IL1RAPL1: variants seen among roughly 807,000 people sequenced by gnomAD.
IL1RAPL1 encodes the protein interleukin 1 receptor accessory protein like 1, also known as interleukin-1 receptor accessory protein-like 1.
Under a neutral mutation model 48.4 loss-of-function variants are expected in IL1RAPL1, and 3 were observed. The ratio of observed to expected loss-of-function variants is 0.06; its 90% CI spans 0.03 to 0.16. The LOEUF (loss-of-function observed/expected upper bound fraction) is 0.16. IL1RAPL1 is among the 10% of genes least tolerant of loss of function. The pLI, the probability that IL1RAPL1 is intolerant of heterozygous loss-of-function variation, is 1.00. For synonymous variants in IL1RAPL1, 185 were observed against 187.7 expected (o/e 0.99, Z 0.12); for missense variants, 349 against 530.6 (o/e 0.66, Z 3.36).
intron 1 of IL1RAPL1, among the ~76,000 whole-genome samples, chrX:28,653,519 AC>A (rs1934712116): frequency 9.0e-6 from 1 of 110,539 alleles, no homozygotes; most frequent in Non-Finnish European, 1.9e-5. Flanking sequence ...CTTTGCAAAC[AC>A]CATTTTTACC....
At chrX:28,841,403 A>G (rs768883547) in intron 2 of IL1RAPL1, among the ~76,000 whole-genome samples, 4 of 111,461 alleles carry the variant, frequency 3.6e-5, no homozygotes, top group Non-Finnish European at 7.6e-5. Flanking sequence ...TAGAGATAAT[A>G]GCAAAAGCTT....
intron 5 of IL1RAPL1, among the ~76,000 whole-genome samples, chrX:29,539,541 A>T: frequency 9.0e-6 from 1 of 111,075 alleles, no homozygotes. Context: ...TGTAATTCCC[A>T]ATATTGGGGG....
At chrX:29,866,054 C>T (rs1931689622) in intron 6 of IL1RAPL1, among the ~76,000 whole-genome samples, 2 of 111,014 alleles carry the variant, frequency 1.8e-5, no homozygotes. Flanking sequence ...CCATTTTTAG[C>T]CAGAATTAAT....
chrX:29,649,908 A>T (rs933406673), intron 5 of IL1RAPL1, among the ~76,000 whole-genome samples: 14 of 112,031 alleles, frequency 1.2e-4, no homozygotes, highest in African/African-American at 4.2e-4. Context: ...AAGTTCAGTA[A>T]AGTGGCAAGA....
intron 6 of IL1RAPL1, among the ~76,000 whole-genome samples, chrX:29,773,676 G>C (rs1270972418): frequency 9.0e-6 from 1 of 111,441 alleles, no homozygotes; most frequent in African/African-American, 3.3e-5. Context: ...TTCTGTCTGA[G>C]CTAATCTTCA....
chrX:28,823,843 C>T, intron 2 of IL1RAPL1, among the ~76,000 whole-genome samples: 2 of 111,247 alleles, frequency 1.8e-5, no homozygotes, highest in Middle Eastern at 9.3e-3. Context: ...GAATAATCTT[C>T]CCATCTCAAG....
intron 6 of IL1RAPL1, among the ~76,000 whole-genome samples, chrX:29,879,357 A>ACGTG (rs1555929710): frequency 4.8e-5 from 4 of 83,981 alleles, no homozygotes; most frequent in Non-Finnish European, 7.1e-5. Context: ...AGTTTTATAT[A>ACGTG]TGTGTGTGTG....
At chrX:28,733,942 A>G (rs1935787295) in intron 1 of IL1RAPL1, among the ~76,000 whole-genome samples, 1 of 111,321 alleles carries the variant, frequency 9.0e-6, no homozygotes, top group African/African-American at 3.3e-5. Flanking sequence ...TTCCACAAAC[A>G]CCCATTCCCA....
At chrX:28,858,271 A>C (rs1180988107) in intron 2 of IL1RAPL1, among the ~76,000 whole-genome samples, 1 of 112,662 alleles carries the variant, frequency 8.9e-6, no homozygotes, top group Non-Finnish European at 1.9e-5. Context: ...ACAACAAAAG[A>C]TTCAGACTAT....
intron 5 of IL1RAPL1, among the ~76,000 whole-genome samples, chrX:29,525,979 A>G (rs749917922): frequency 8.9e-6 from 1 of 111,760 alleles, no homozygotes; most frequent in South Asian, 3.7e-4. Flanking sequence ...CAGAGATGGG[A>G]GTTCAGAGTG....
intron 6 of IL1RAPL1, among the ~76,000 whole-genome samples, chrX:29,680,811 A>G (rs967879884): frequency 3.6e-5 from 4 of 111,403 alleles, no homozygotes; most frequent in Non-Finnish European, 7.5e-5. Context: ...TCTTCTCCCA[A>G]CTAATACTGA....
intron 2 of IL1RAPL1, among the ~76,000 whole-genome samples, chrX:29,081,837 T>C (rs1025093622): frequency 9.1e-6 from 1 of 110,221 alleles, no homozygotes; most frequent in African/African-American, 3.3e-5. Context: ...ATTATTGCCA[T>C]GTGAGTAGTG....
chrX:29,371,133 T>TTC (rs1933539197), intron 3 of IL1RAPL1, among the ~76,000 whole-genome samples: 1 of 92,963 alleles, frequency 1.1e-5, no homozygotes, highest in East Asian at 3.2e-4. Flanking sequence ...GTACTTTTTT[T>TTC]TTTTTTTTTT....
At chrX:29,609,765 T>C (rs1387998960) in intron 5 of IL1RAPL1, among the ~76,000 whole-genome samples, 1 of 112,177 alleles carries the variant, frequency 8.9e-6, no homozygotes, top group Non-Finnish European at 1.9e-5. Context: ...TCTCGGATTA[T>C]GTATCTCCTT....
intron 2 of IL1RAPL1, among the ~76,000 whole-genome samples, chrX:29,038,375 T>C (rs963986863): frequency 8.9e-6 from 1 of 112,179 alleles, no homozygotes; most frequent in Non-Finnish European, 1.9e-5. Flanking sequence ...ATATTTATCA[T>C]ATATAAAGAA....
intron 5 of IL1RAPL1, among the ~76,000 whole-genome samples, chrX:29,419,256 G>A (rs946663914): frequency 1.8e-5 from 2 of 111,406 alleles, no homozygotes; most frequent in African/African-American, 6.5e-5. Context: ...TTACATATAC[G>A]TAATGACATA....
intron 6 of IL1RAPL1, among the ~76,000 whole-genome samples, chrX:29,844,607 A>C (rs919416412): frequency 8.9e-6 from 1 of 112,308 alleles, no homozygotes; most frequent in South Asian, 3.7e-4. Context: ...AAATAAAAAC[A>C]ATGCAATATA....
intron 5 of IL1RAPL1, among the ~76,000 whole-genome samples, chrX:29,443,243 T>TCTCTCTCTCTCC (rs1350294761): frequency 9.2e-6 from 1 of 109,025 alleles, no homozygotes; most frequent in East Asian, 2.9e-4. Flanking sequence ...TCTCTCTCTC[T>TCTCTCTCTCTCC]CTCTCTCTCT....
At chrX:29,418,240 T>C (rs1342662813) in intron 5 of IL1RAPL1, among the ~76,000 whole-genome samples, 1 of 102,467 alleles carries the variant, frequency 9.8e-6, no homozygotes, top group Non-Finnish European at 2.0e-5. Flanking sequence ...ATTCTTCTGC[T>C]TCAGCCTCCT....
Sources: allele counts gnomAD v4.1 joint callset (sites outside exome capture counted in the v4.1 genomes callset), GRCh38; gene constraint gnomAD v4.1.1; transcripts MANE v1.5; gene names NCBI Gene and HGNC (gene_info 2026-07-23, HGNC 2026-07-21).